Variants in CLASP1 observed in about 807,000 individuals in gnomAD.
CLASP1 encodes the protein cytoplasmic linker associated protein 1.
Under a neutral mutation model 192.3 loss-of-function variants are expected in CLASP1, and 38 were observed. The ratio of observed to expected loss-of-function variants is 0.20; its 90% confidence interval spans 0.15 to 0.26. The LOEUF (loss-of-function observed/expected upper bound fraction) is 0.26. CLASP1 is among the 10% of genes least tolerant of loss of function. CLASP1 has a pLI of 1.00. For synonymous variants in CLASP1, 691 were observed against 712.8 expected (o/e 0.97, Z 0.49); for missense variants, 1,433 against 1,932.5 (o/e 0.74, Z 4.85).
At chr2:121,472,415 T>C (rs939006531) in intron 8 of CLASP1, among the ~76,000 whole-genome samples, 1 of 152,166 alleles carries the variant, frequency 6.6e-6, no homozygotes, top group African/African-American at 2.4e-5. Context: ...GTTCAGCTAA[T>C]TTGCATAAAG....
chr2:121,469,327 G>T (rs1290532709), intron 9 of CLASP1, among the ~76,000 whole-genome samples: 10 of 152,150 alleles, frequency 6.6e-5, no homozygotes, highest in Admixed American at 6.5e-4. Flanking sequence ...CCCACAGCAC[G>T]ACCCTGCATG....
At chr2:121,567,845 A>C (rs1306258947) in intron 2 of CLASP1, among the ~76,000 whole-genome samples, 1 of 152,230 alleles carries the variant, frequency 6.6e-6, no homozygotes, top group Admixed American at 6.5e-5. Context: ...CACATAATAC[A>C]AATACACGAT....
chr2:121,432,126 A>T (rs542089839), intron 19 of CLASP1, among the ~76,000 whole-genome samples: 1 of 152,034 alleles, frequency 6.6e-6, no homozygotes, highest in African/African-American at 2.4e-5. Context: ...TTAATTAATT[A>T]ATATATGAGG....
intron 33 of CLASP1, among the ~76,000 whole-genome samples, chr2:121,379,362 C>G (rs76369924): frequency 0.015 from 2,314 of 152,212 alleles, 55 homozygotes; most frequent in African/African-American, 0.052. Context: ...AAGATTTCAA[C>G]CTCTTCTATG....
In CLASP1 at chr2:121,399,281, T is replaced by A. The variant is rs185315962; in HGVS notation, c.2901-881A>T. On this transcript the variant is annotated intron_variant, in intron 28 of 39. Transcript: ENST00000263710. The stretch of plus-strand genomic sequence containing the variant: ...TCAGGTACCAGTGTTATCCTACATA[T>A]AATTACTAATAAAAAGTAAACTTGA... Among the ~76,000 whole-genome samples the A allele has an allele frequency of 2.7e-3, 404 of 152,304 alleles. 1 individual carries two copies. Among genetic ancestry groups the A allele is most frequent in the African/African-American group, 9.5e-3 (396 of 41,574 alleles).
chr2:121,594,586 T>TTTC (rs1303326407), intron 2 of CLASP1, among the ~76,000 whole-genome samples: 1 of 151,428 alleles, frequency 6.6e-6, no homozygotes, highest in Non-Finnish European at 1.5e-5. Context: ...AGAGACGGGG[T>TTTC]TTCACCTTGT....
intron 32 of CLASP1, 140 bp from the exon 34 acceptor site, chr2:121,382,464 A>G: frequency 1.7e-6 from 1 of 597,922 alleles, no homozygotes; most frequent in African/African-American, 1.9e-5. Flanking sequence ...GAGCAAAATT[A>G]GCACTTCATC....
intron 39 of CLASP1, among the ~76,000 whole-genome samples, chr2:121,345,031 C>T (rs780123010): frequency 3.9e-5 from 6 of 152,148 alleles, no homozygotes; most frequent in East Asian, 3.9e-4. Context: ...TGGTGGCGCA[C>T]GCCTGTAATC....
exon 40 of CLASP1, chr2:121,340,642 C>G (rs2062682197): frequency 1.9e-6 from 1 of 526,334 alleles, no homozygotes; most frequent in Admixed American, 3.3e-5. Context: ...GTTCTTATTC[C>G]TTTTGTTTTG....
intron 2 of CLASP1, among the ~76,000 whole-genome samples, chr2:121,560,749 G>A (rs566919771): frequency 7.9e-5 from 12 of 152,262 alleles, no homozygotes; most frequent in African/African-American, 2.9e-4. Context: ...TTTTGTGTAC[G>A]TTTCACAATT....
intron 5 of CLASP1, among the ~76,000 whole-genome samples, chr2:121,527,542 T>C (rs1294534762): frequency 6.6e-6 from 1 of 152,124 alleles, no homozygotes; most frequent in East Asian, 1.9e-4. Context: ...TGTGCAGTTG[T>C]ATATACACAC....
intron 19 of CLASP1, among the ~76,000 whole-genome samples, chr2:121,432,650 T>C (rs2149665601): frequency 6.6e-6 from 1 of 152,372 alleles, no homozygotes; most frequent in South Asian, 2.1e-4. Context: ...TATCTTTTGA[T>C]AAAGTCTGAT....
chr2:121,595,712 C>A (rs1462603995), intron 2 of CLASP1, among the ~76,000 whole-genome samples: 2 of 152,164 alleles, frequency 1.3e-5, no homozygotes, highest in African/African-American at 2.4e-5. Flanking sequence ...CTGATGGATT[C>A]ATATCTTATT....
chr2:121,442,813 A>T (rs2149740249), intron 19 of CLASP1, among the ~76,000 whole-genome samples: 1 of 152,304 alleles, frequency 6.6e-6, no homozygotes. Context: ...TAACTGTTTT[A>T]AAATCATCTT....
intron 29 of CLASP1, among the ~76,000 whole-genome samples, 195 bp downstream of exon 30, chr2:121,398,127 A>T (rs779078752): frequency 4.6e-5 from 7 of 152,240 alleles, no homozygotes; most frequent in Non-Finnish European, 8.8e-5. Context: ...CTAAACATGT[A>T]CTTACCCAAT....
At chr2:121,573,035 C>T (rs1576117560) in intron 2 of CLASP1, among the ~76,000 whole-genome samples, 1 of 152,212 alleles carries the variant, frequency 6.6e-6, no homozygotes. Flanking sequence ...TCTCAGCTCA[C>T]TGCAACCTCC....
At chr2:121,646,911 G>T (rs1576752015) in intron 1 of CLASP1, among the ~76,000 whole-genome samples, 1 of 151,800 alleles carries the variant, frequency 6.6e-6, no homozygotes, top group Admixed American at 6.6e-5. Context: ...ATGGTGGCGG[G>T]CACCTGTAGT....
rs183302338 is a variant in CLASP1 at position 121,589,887 on chromosome 2, T to C, written c.195+15814A>G. 3.9e-5 allele frequency among the ~76,000 whole-genome samples: 6 copies of C among 152,014 alleles called. No individual in the cohort carries two copies. The East Asian group carries it at 5.8e-4, about 15-fold the overall frequency. On this transcript the variant is annotated intron_variant, in intron 2 of 39. Transcript: ENST00000263710. ...TTAAACAACAACAAATAGACCCAAA[T>C]AGATCCATTTCAATGTGAACATCGT...
At chr2:121,337,923 T>C (rs1392716257) in exon 40 of CLASP1, 5 of 145,250 alleles carry the variant, frequency 3.4e-5, no homozygotes, top group Admixed American at 2.8e-4. Context: ...TAAATACAGA[T>C]ATGGATGTAA....
Sources: allele counts gnomAD v4.1 joint callset (sites outside exome capture counted in the v4.1 genomes callset), GRCh38; gene constraint gnomAD v4.1.1; transcripts MANE v1.5; gene names NCBI Gene and HGNC (gene_info 2026-07-23, HGNC 2026-07-21).